Variants in CDH6 observed in about 807,000 individuals in gnomAD.
The protein encoded by CDH6 is cadherin-6.
Under a neutral mutation model 78.0 loss-of-function variants are expected in CDH6, and 31 were observed. The ratio of observed to expected loss-of-function variants is 0.40; its 90% confidence interval spans 0.30 to 0.54. The LOEUF is 0.54. Among genes scored for constraint, CDH6 ranks in the 20% least tolerant of loss-of-function variants. The pLI is 0.56. For synonymous variants in CDH6, 376 were observed against 368.8 expected (o/e 1.02, Z -0.23); for missense variants, 724 against 975.9 (o/e 0.74, Z 3.44).
At chr5:31,217,090 T>C (rs1186575338) in intron 1 of CDH6, among the ~76,000 whole-genome samples, 1 of 152,160 alleles carries the variant, frequency 6.6e-6, no homozygotes, top group African/African-American at 2.4e-5. Context: ...AATATAGACC[T>C]GTTAAATGAA....
chr5:31,225,539 T>C (rs1741129206), intron 1 of CDH6, among the ~76,000 whole-genome samples: 1 of 152,084 alleles, frequency 6.6e-6, no homozygotes, highest in South Asian at 2.1e-4. Context: ...ACTTACAATC[T>C]TGGTGGTTGG....
intron 5 of CDH6, among the ~76,000 whole-genome samples, chr5:31,301,430 G>A (rs1737759622): frequency 6.6e-6 from 1 of 152,064 alleles, no homozygotes; most frequent in Non-Finnish European, 1.5e-5. Context: ...GTTTGCAACA[G>A]GAGCATATTT....
intron 1 of CDH6, among the ~76,000 whole-genome samples, chr5:31,242,184 C>T (rs1257294435): frequency 6.6e-6 from 1 of 152,164 alleles, no homozygotes; most frequent in Non-Finnish European, 1.5e-5. Flanking sequence ...TTTGAGCTAG[C>T]AGAGCCCAAA....
At chr5:31,313,263 G>C in intron 7 of CDH6, 55 bp from the exon 8 acceptor site, 1 of 1,498,922 alleles carries the variant, frequency 6.7e-7, no homozygotes, top group Non-Finnish European at 9.2e-7. Flanking sequence ...GTTCTATGAT[G>C]TGAGAATAGG....
Position 31,323,335 on chromosome 5 carries a change from C to A in CDH6, c.*27C>A. On this transcript the variant is annotated 3_prime_UTR_variant, in exon 12 of 12. Coordinates refer to ENST00000265071, the MANE Select transcript of CDH6 (RefSeq NM_004932.4). The stretch of plus-strand genomic sequence containing the variant: ...CTGTTGCCTTTTTCATTTTCCAATA[C>A]GACACTGAAATATGTGAAGTGGCTA... 1 of 1,589,352 alleles carries A rather than the reference C, an allele frequency of 6.3e-7. No individual in the cohort carries two copies. The highest frequency in any genetic ancestry group is 8.6e-7 in the Non-Finnish European group (1 of 1,163,604).
At chr5:31,257,066 G>T (rs1742074633) in intron 1 of CDH6, among the ~76,000 whole-genome samples, 1 of 152,178 alleles carries the variant, frequency 6.6e-6, no homozygotes, top group Non-Finnish European at 1.5e-5. Flanking sequence ...AAAGAACTTG[G>T]ACCTTTGCTT....
At chr5:31,322,374 A>T (rs1324862880) in intron 11 of CDH6, among the ~76,000 whole-genome samples, 1 of 151,736 alleles carries the variant, frequency 6.6e-6, no homozygotes, top group African/African-American at 2.4e-5. Context: ...GTTATTTTAG[A>T]TGTGGAGTTG....
At chr5:31,313,541 T>C (rs1171208680) in intron 8 of CDH6, 87 bp downstream of exon 8, 1 of 1,257,038 alleles carries the variant, frequency 8.0e-7, no homozygotes, top group Non-Finnish European at 1.1e-6. Flanking sequence ...TGTCACCATG[T>C]ATTGACAATC....
At chr5:31,304,593 G>C (rs1737924417) in intron 6 of CDH6, among the ~76,000 whole-genome samples, 1 of 147,704 alleles carries the variant, frequency 6.8e-6, no homozygotes, top group African/African-American at 2.5e-5. Flanking sequence ...GCTGAGGCAG[G>C]AGAATCACTT....
chr5:31,223,335 T>G (rs1275899606), intron 1 of CDH6, among the ~76,000 whole-genome samples: 41 of 152,214 alleles, frequency 2.7e-4, no homozygotes, highest in Admixed American at 2.7e-3. Flanking sequence ...ACTTTGTATT[T>G]ATTTCTCCTT....
chr5:31,325,210 T>C lies in CDH6; in HGVS notation c.*1902T>C, dbSNP rs945028536. On this transcript the variant is annotated 3_prime_UTR_variant, in exon 12 of 12. Transcript: ENST00000265071. ...CAATCATATTATTCCTTGTGTCTTC[T>C]GAATGGTTTCCGATTTTATAATGGA... 8.7e-6 allele frequency: 2 copies of C among 229,378 alleles called. No homozygotes were observed. Among genetic ancestry groups the C allele is most frequent in the Non-Finnish European group, 1.7e-5 (2 of 115,636 alleles). 14.2% of individuals were successfully genotyped at this position (229,378 alleles called of 1,614,324 possible).
At chr5:31,281,519 T>C (rs1258523113) in intron 2 of CDH6, among the ~76,000 whole-genome samples, 1 of 152,120 alleles carries the variant, frequency 6.6e-6, no homozygotes, top group Non-Finnish European at 1.5e-5. Context: ...AAAATGAAAA[T>C]GTTAGACTAA....
intron 1 of CDH6, among the ~76,000 whole-genome samples, chr5:31,244,066 T>C (rs1300813070): frequency 1.3e-5 from 2 of 152,226 alleles, no homozygotes; most frequent in Admixed American, 1.3e-4. Flanking sequence ...ATGTTAAATG[T>C]GCTGCAGTGA....
chr5:31,213,460 T>C lies in CDH6; in HGVS notation c.-129+19574T>C, dbSNP rs548479860. Among the ~76,000 whole-genome samples, 32 of 152,182 alleles carry C rather than the reference T, an allele frequency of 2.1e-4. No homozygotes were observed. In the South Asian group the frequency reaches 6.2e-3, roughly 30 times the overall value. ...CTGTTGGGTGAAAGGCTCTAGAGCG[T>C]GGGTGAGGGGTTGGTTAGGGTGGTG... On this transcript the variant is annotated intron_variant, in intron 1 of 11. Transcript: ENST00000265071.
chr5:31,318,471 A>T, intron 11 of CDH6: 1 of 243,114 alleles, frequency 4.1e-6, no homozygotes. Context: ...TGATTGCCAC[A>T]TGCATAAGGT....
chr5:31,275,265 A>T (rs1742658037), intron 2 of CDH6, among the ~76,000 whole-genome samples: 1 of 152,136 alleles, frequency 6.6e-6, no homozygotes, highest in Non-Finnish European at 1.5e-5. Context: ...CGTGAAGCTG[A>T]GGTTTGGGGT....
intron 1 of CDH6, among the ~76,000 whole-genome samples, chr5:31,265,220 C>CAGA (rs1336545066): frequency 6.6e-6 from 1 of 152,230 alleles, no homozygotes; most frequent in Non-Finnish European, 1.5e-5. Context: ...TATGCACTCT[C>CAGA]AGTCCCTTTT....
intron 1 of CDH6, among the ~76,000 whole-genome samples, chr5:31,237,632 T>G (rs1741489518): frequency 6.6e-6 from 1 of 152,214 alleles, no homozygotes; most frequent in African/African-American, 2.4e-5. Flanking sequence ...AATTGACTTT[T>G]CATCCCTGAG....
chr5:31,209,540 G>A (rs936831418), intron 1 of CDH6, among the ~76,000 whole-genome samples: 4 of 152,186 alleles, frequency 2.6e-5, no homozygotes, highest in East Asian at 1.9e-4. Context: ...CGGGAAAGGC[G>A]GTCAGAAAAG....
Sources: gnomAD v4.1 joint callset for allele counts (sites outside exome capture counted in the v4.1 genomes callset) on GRCh38, gnomAD v4.1.1 for gene constraint, MANE v1.5 for transcripts, NCBI Gene and HGNC (gene_info 2026-07-23, HGNC 2026-07-21) for gene names.